Variants in NRAS observed in about 807,000 individuals in gnomAD.
The protein encoded by NRAS is GTPase NRas.
NRAS carries 6 observed loss-of-function variants against 21.3 expected under a neutral mutation model. The ratio of observed to expected loss-of-function variants is 0.28; its 90% CI spans 0.15 to 0.56. The LOEUF is 0.56. Among genes scored for constraint, NRAS ranks in the 20% least tolerant of loss-of-function variants. NRAS has a pLI of 0.93. For missense variants in NRAS, 143 were observed against 231.3 expected (o/e 0.62, Z 2.48); for synonymous variants, 84 against 82.0 (o/e 1.02, Z -0.13).
intron 2 of NRAS, among the ~76,000 whole-genome samples, chr1:114,715,432 C>T (rs1376038238): frequency 2.6e-5 from 4 of 152,138 alleles, no homozygotes; most frequent in South Asian, 4.1e-4. Flanking sequence ...AGTGCTTTAC[C>T]ATTCATAAAT....
At chr1:114,714,690 G>A (rs1659116452) in intron 2 of NRAS, among the ~76,000 whole-genome samples, 1 of 152,066 alleles carries the variant, frequency 6.6e-6, no homozygotes, top group Non-Finnish European at 1.5e-5. Flanking sequence ...ACTGTTATCT[G>A]GGTGGTAGCT....
At chr1:114,711,895 T>G (rs1659053952) in intron 3 of NRAS, among the ~76,000 whole-genome samples, 2 of 152,226 alleles carry the variant, frequency 1.3e-5, no homozygotes. Flanking sequence ...TAGTGGCTAT[T>G]GAGCATTTGG....
rs61758216 is a variant in NRAS at position 114,712,977 on chromosome 1, A to G, written c.290+823T>C. On this transcript the variant is annotated intron_variant, in intron 3 of 6. Coordinates refer to ENST00000369535, the MANE Select transcript of NRAS (RefSeq NM_002524.5). ...GTTTTTGGTCCTGGCTCTGCTACTA[A>G]TAACAATCCTGACTCCAAAACCTAA... Among the ~76,000 whole-genome samples the G allele has an allele frequency of 2.5e-3, 382 of 152,304 alleles. 4 individuals carry two copies. Among genetic ancestry groups the G allele is most frequent in the African/African-American group, 8.0e-3 (334 of 41,562 alleles).
chr1:114,712,453 T>C (rs1208159187), intron 3 of NRAS, among the ~76,000 whole-genome samples: 3 of 152,208 alleles, frequency 2.0e-5, no homozygotes, highest in African/African-American at 4.8e-5. Flanking sequence ...AGCTAAGGCA[T>C]ATAGAAAAAT....
rs1409969329 is a variant in NRAS, at chr1:114,707,478, T to G, written c.*616A>C. 1 of 152,666 alleles carries G rather than the reference T, an allele frequency of 6.6e-6. No homozygotes were observed. Among genetic ancestry groups the G allele is most frequent in the African/African-American group, 2.4e-5 (1 of 41,462 alleles). The allele number at this position is 152,666 out of a possible 1,614,324, so 9.5% of individuals were successfully genotyped here. ...ACTTCACTGTGAAAGTTGGATTTAA[T>G]TACGTCAAAGTTGTGAAGACTAGGA... On this transcript the variant is annotated 3_prime_UTR_variant, in exon 7 of 7. Coordinates refer to ENST00000369535, the MANE Select transcript of NRAS (RefSeq NM_002524.5).
intron 3 of NRAS, 144 bp downstream of exon 3, chr1:114,713,656 C>T (rs1392060148): frequency 5.8e-6 from 4 of 695,302 alleles, no homozygotes; most frequent in Non-Finnish European, 7.7e-6. Flanking sequence ...CAGTAATTAC[C>T]CTAGATTCTC....
intron 4 of NRAS, among the ~76,000 whole-genome samples, chr1:114,709,235 G>A (rs9724638): frequency 0.021 from 3,142 of 152,104 alleles, 106 homozygotes; most frequent in African/African-American, 0.072. Context: ...CCAGGAGTTC[G>A]AGACCAGCCT....
chr1:114,707,379 A>G lies in NRAS; in HGVS notation c.*715T>C, dbSNP rs1557980461. On this transcript the variant is annotated 3_prime_UTR_variant, in exon 7 of 7. Coordinates refer to ENST00000369535, the MANE Select transcript of NRAS (RefSeq NM_002524.5). ...CGTATCTCAGACATTCATTTCATGCATAAGGATTTTTGAGACATCTATTCC... is the reference window on the plus strand; with the variant it reads ...CGTATCTCAGACATTCATTTCATGCGTAAGGATTTTTGAGACATCTATTCC... 1 of 152,644 alleles carries G rather than the reference A, an allele frequency of 6.6e-6. No individual in the cohort carries two copies. The highest frequency in any genetic ancestry group is 1.5e-5 in the Non-Finnish European group (1 of 68,028). The allele number at this position is 152,644 out of a possible 1,614,324, so 9.5% of individuals were successfully genotyped here. A position where few individuals can be genotyped will look rare whatever the true frequency, so the allele number is the denominator to read the frequency against.
intron 3 of NRAS, 41 bp downstream of exon 3, chr1:114,713,759 C>T (rs771129357): frequency 1.3e-4 from 198 of 1,529,524 alleles, no homozygotes; most frequent in Non-Finnish European, 1.6e-4. Flanking sequence ...AGATTCAGAA[C>T]ACAAAGATCA....
rs528669751 is a variant in NRAS, at chr1:114,710,204, C to A, written c.291-476G>T. On this transcript the variant is annotated intron_variant, in intron 3 of 6. Coordinates refer to ENST00000369535, the MANE Select transcript of NRAS (RefSeq NM_002524.5). ...AGACTCCATCCCCCCCAACCCCCCC[C>A]AAAAAATATATATAAAATATATAAA... Among the ~76,000 whole-genome samples the A allele has an allele frequency of 3.5e-3, 387 of 111,596 alleles. 1 individual carries two copies. Among genetic ancestry groups the A allele is most frequent in the African/African-American group, 0.013 (362 of 27,602 alleles). 73.2% of individuals were successfully genotyped at this position (111,596 alleles called of 152,430 possible).
rs911651458 is a variant in NRAS at position 114,705,903 on chromosome 1, T to C, written c.*2191A>G. The C allele has an allele frequency of 3.3e-5, 5 of 152,240 alleles. No homozygotes were observed. In the East Asian group the frequency reaches 5.8e-4, roughly 18 times the overall value. The allele number at this position is 152,240 out of a possible 1,614,324, so 9.4% of individuals were successfully genotyped here. On this transcript the variant is annotated 3_prime_UTR_variant, in exon 7 of 7. Transcript: ENST00000369535. ...TCTAAGTACATACATACAAGGGCTA[T>C]TGGCACAAGAGCCCAAGATGAGTAA...
At position 114,708,517 on chromosome 1, in the gene NRAS, A is replaced by C. The variant is rs1344964032; in HGVS notation, c.*4+14T>G. The stretch of plus-strand genomic sequence containing the variant: ...ACTAAGATTTGTAATTATGCCAAGA[A>C]ACCATATGCTCACCTTGTTACATCA... On this transcript the variant is annotated intron_variant, in intron 5 of 6. Coordinates refer to ENST00000369535, the MANE Select transcript of NRAS (RefSeq NM_002524.5). The C allele has an allele frequency of 1.2e-6, 2 of 1,613,138 alleles. No homozygotes were observed. Among genetic ancestry groups the C allele is most frequent in the East Asian group, 4.5e-5 (2 of 44,858 alleles).
At position 114,705,319 on chromosome 1, in the gene NRAS, A is replaced by G. The variant is rs763011963; in HGVS notation, c.*2775T>C. 2.6e-5 allele frequency: 4 copies of G among 152,260 alleles called. No homozygotes were observed. Among genetic ancestry groups the G allele is most frequent in the Non-Finnish European group, 5.9e-5 (4 of 68,040 alleles). The allele number at this position is 152,260 out of a possible 1,614,324, so 9.4% of individuals were successfully genotyped here. The stretch of plus-strand genomic sequence containing the variant: ...GATATTGTATTAAGTAACATTCTAT[A>G]GTAAGCCGTTGGAGCAAATACAGCA... On this transcript the variant is annotated 3_prime_UTR_variant, in exon 7 of 7. Transcript: ENST00000369535.
At position 114,716,036 on chromosome 1, in the gene NRAS, C is replaced by A. The variant is rs745364720; in HGVS notation, c.111+14G>T. 3.4e-6 allele frequency: 5 copies of A among 1,475,810 alleles called. No homozygotes were observed. The highest frequency in any genetic ancestry group is 4.5e-5 in the East Asian group (2 of 44,280). The allele number at this position is 1,475,810 out of a possible 1,614,324, so 91.4% of individuals were successfully genotyped here. On this transcript the variant is annotated intron_variant, in intron 2 of 6. Transcript: ENST00000369535. The stretch of plus-strand genomic sequence containing the variant: ...GAGACAGGATCAGGTCAGCGGGCTA[C>A]CACTGGGCCTCACCTCTATGGTGGG...
chr1:114,715,667 A>C (rs542461214), intron 2 of NRAS, among the ~76,000 whole-genome samples: 1 of 152,276 alleles, frequency 6.6e-6, no homozygotes, highest in East Asian at 1.9e-4. Context: ...CAACTAGCTA[A>C]TAAATAAATA....
chr1:114,708,439 A>G (rs1056514524), intron 5 of NRAS, 92 bp downstream of exon 5: 3 of 1,257,266 alleles, frequency 2.4e-6, no homozygotes, highest in Non-Finnish European at 3.5e-6. Flanking sequence ...CAGAAACTCA[A>G]AAAACATATA....
intron 3 of NRAS, among the ~76,000 whole-genome samples, chr1:114,711,731 C>G (rs1659051877): frequency 6.6e-6 from 1 of 152,028 alleles, no homozygotes; most frequent in Non-Finnish European, 1.5e-5. Context: ...GCATCTAGAA[C>G]TCCTGACAGC....
In NRAS at chr1:114,713,669, T is replaced by G. The variant is rs1570874460; in HGVS notation, c.290+131A>C. The G allele has an allele frequency of 1.6e-5, 12 of 752,932 alleles. No individual in the cohort carries two copies. The East Asian group carries it at 3.0e-4, about 19-fold the overall frequency. The allele number at this position is 752,932 out of a possible 1,614,324, so 46.6% of individuals were successfully genotyped here. On this transcript the variant is annotated intron_variant, in intron 3 of 6. Coordinates refer to ENST00000369535, the MANE Select transcript of NRAS (RefSeq NM_002524.5). ...TTCAGTAATTACCCTAGATTCTCAA[T>G]GTCAAACAACCTAAAACCAACTCTT...
chr1:114,705,890 C>T lies in NRAS; in HGVS notation c.*2204G>A, dbSNP rs1658902286. On this transcript the variant is annotated 3_prime_UTR_variant, in exon 7 of 7. Transcript: ENST00000369535. ...ATACTTGGAAAACTCTAAGTACATA[C>T]ATACAAGGGCTATTGGCACAAGAGC... 1 of 152,240 alleles carries T rather than the reference C, an allele frequency of 6.6e-6. No individual in the cohort carries two copies. The highest frequency in any genetic ancestry group is 2.4e-5 in the African/African-American group (1 of 41,466). The allele number at this position is 152,240 out of a possible 1,614,324, so 9.4% of individuals were successfully genotyped here. A position where few individuals can be genotyped will look rare whatever the true frequency, so the allele number is the denominator to read the frequency against.
Sources: gnomAD v4.1 joint callset for allele counts (sites outside exome capture counted in the v4.1 genomes callset) on GRCh38, gnomAD v4.1.1 for gene constraint, MANE v1.5 for transcripts, NCBI Gene and HGNC (gene_info 2026-07-23, HGNC 2026-07-21) for gene names.